The following ARID5B variants were observed in gnomAD, a reference collection of about 807,000 sequenced individuals.
ARID5B encodes AT-rich interaction domain 5B.
Under a neutral mutation model 97.2 loss-of-function variants are expected in ARID5B, and 13 were observed. The ratio of observed to expected loss-of-function variants is 0.13; its 90% confidence interval spans 0.09 to 0.21. The LOEUF (loss-of-function observed/expected upper bound fraction) is 0.21. Among genes scored for constraint, ARID5B ranks in the 10% least tolerant of loss-of-function variants. ARID5B has a pLI of 1.00. For synonymous variants in ARID5B, 556 were observed against 570.3 expected, an observed-to-expected ratio of 0.97 and a Z score of 0.36; for missense variants, 1,210 against 1,465.3, an observed-to-expected ratio of 0.83 and a Z score of 2.84.
At chr10:62,065,238 T>C (rs1236273460) in intron 7 of ARID5B, among the ~76,000 whole-genome samples, 1 of 152,198 alleles carries the variant, frequency 6.6e-6, no homozygotes, top group African/African-American at 2.4e-5. Context: ...GCACCTAGAT[T>C]GGTTTGTTTT....
chr10:62,009,515 G>A (rs971306941), intron 4 of ARID5B, among the ~76,000 whole-genome samples: 5 of 152,106 alleles, frequency 3.3e-5, no homozygotes, highest in South Asian at 2.1e-4. Flanking sequence ...ACCCATGAGC[G>A]ACCTCAGAGA....
At chr10:62,020,105 A>G (rs543166671) in intron 4 of ARID5B, among the ~76,000 whole-genome samples, 1 of 152,266 alleles carries the variant, frequency 6.6e-6, no homozygotes, top group South Asian at 2.1e-4. Context: ...ACAAAAAAGG[A>G]TGGGAACATG....
Position 62,092,813 on chromosome 10 carries a change from A to C in ARID5B, c.3350A>C (p.Gln1117Pro), listed in dbSNP as rs1840404192. Reference protein sequence around the residue: ...KNQTVLSPLMQPLAFHSLVMQ... With the variant: ...KNQTVLSPLMPPLAFHSLVMQ... ...CAGACTGTGCTTTCTCCACTCATGCAGCCCCTGGCTTTCCACTCGCTTGTG... is the reference window on the plus strand; with the variant it reads ...CAGACTGTGCTTTCTCCACTCATGCCGCCCCTGGCTTTCCACTCGCTTGTG... The change falls in exon 10 of 10, where the codon CAG becomes CCG. Residue 1117 changes from glutamine to proline, a missense_variant. Transcript: ENST00000279873. 6.2e-7 allele frequency: 1 copy of C among 1,614,224 alleles called. No homozygotes were observed. Among genetic ancestry groups the C allele is most frequent in the Non-Finnish European group, 8.5e-7 (1 of 1,180,040 alleles).
chr10:62,016,561 C>T (rs972276667), intron 4 of ARID5B, among the ~76,000 whole-genome samples: 2 of 152,022 alleles, frequency 1.3e-5, no homozygotes, highest in African/African-American at 4.8e-5. Flanking sequence ...AAAATAAAAC[C>T]CTGTAAATAC....
At chr10:61,958,644 T>C (rs1199692197) in intron 3 of ARID5B, among the ~76,000 whole-genome samples, 1 of 152,230 alleles carries the variant, frequency 6.6e-6, no homozygotes. Context: ...ATAAAGAATC[T>C]TGTGGTCAGC....
chr10:62,092,622 C>T lies in ARID5B; in HGVS notation c.3159C>T (p.Gly1053=). Residue 1053 remains glycine, a synonymous_variant, in exon 10 of 10, where the codon GGC becomes GGT. Transcript: ENST00000279873. The part of the protein sequence containing the change: ...KEKASEQESE[G]SKAAHGGHSG... ...AGGCCTCTGAGCAGGAGAGTGAAGG[C>T]AGCAAAGCAGCGCACGGTGGGCATT... The T allele has an allele frequency of 1.9e-6, 3 of 1,614,186 alleles. No homozygotes were observed. Among genetic ancestry groups the T allele is most frequent in the South Asian group, 1.1e-5 (1 of 91,084 alleles).
At chr10:62,012,622 T>C (rs1017105306) in intron 4 of ARID5B, among the ~76,000 whole-genome samples, 2 of 152,186 alleles carry the variant, frequency 1.3e-5, no homozygotes, top group Admixed American at 6.6e-5. Flanking sequence ...CTGTCTGGCT[T>C]CAAAGCTGGT....
intron 3 of ARID5B, among the ~76,000 whole-genome samples, chr10:61,967,810 T>C (rs1838566861): frequency 6.6e-6 from 1 of 152,184 alleles, no homozygotes; most frequent in Non-Finnish European, 1.5e-5. Flanking sequence ...GGCATTTTAT[T>C]TCAACAGAAT....
At position 62,009,525 on chromosome 10, in the gene ARID5B, AGGTTAAACAGCTTCTGAAG is replaced by A. The variant is rs533554941; in HGVS notation, c.733+9208_733+9226del. On this transcript the variant is annotated intron_variant, in intron 4 of 9. Transcript: ENST00000279873. ...ATTTTACCCATGAGCGACCTCAGAG[AGGTTAAACAGCTTCTGAAG>A]GGTCACAGACCTGGCATGTTGCTGA... is the stretch of plus-strand genomic sequence containing the variant. Among the ~76,000 whole-genome samples, 475 of 152,234 alleles carry A rather than the reference AGGTTAAACAGCTTCTGAAG, an allele frequency of 3.1e-3. 3 individuals are homozygous for A. The highest frequency in any genetic ancestry group is 6.8e-3 in the Middle Eastern group (2 of 294).
rs1037308279 is a variant in ARID5B at position 62,032,735 on chromosome 10, A to G, written c.734-18153A>G. Among the ~76,000 whole-genome samples, 4 of 152,206 alleles carry G rather than the reference A, an allele frequency of 2.6e-5. No individual in the cohort carries two copies. In the East Asian group the frequency reaches 7.7e-4, roughly 29 times the overall value. On this transcript the variant is annotated intron_variant, in intron 4 of 9. Coordinates refer to ENST00000279873, the MANE Select transcript of ARID5B (RefSeq NM_032199.3). ...ATCTCGGAAAATAAATAAATAATAA[A>G]TAAATATTGGATCGGTGAATATTGG...
At chr10:62,015,971 T>C (rs534927277) in intron 4 of ARID5B, among the ~76,000 whole-genome samples, 74 of 152,320 alleles carry the variant, frequency 4.9e-4, no homozygotes, top group African/African-American at 1.6e-3. Flanking sequence ...TTATCTGGCA[T>C]ATGTGGAGCA....
In ARID5B at chr10:62,094,817, C is replaced by A. The variant is rs1442024130; in HGVS notation, c.*1787C>A. ...CAGTAGACTTTAGAACCATAGTTAA[C>A]TAAGTCTTTTACCTCTGAGATACTT... On this transcript the variant is annotated 3_prime_UTR_variant, in exon 10 of 10. Coordinates refer to ENST00000279873, the MANE Select transcript of ARID5B (RefSeq NM_032199.3). The A allele has an allele frequency of 4.3e-6, 1 of 231,420 alleles. No individual in the cohort carries two copies. The highest frequency in any genetic ancestry group is 2.2e-5 in the African/African-American group (1 of 45,250). The allele number at this position is 231,420 out of a possible 1,614,324, so 14.3% of individuals were successfully genotyped here.
intron 4 of ARID5B, among the ~76,000 whole-genome samples, chr10:62,049,991 T>A (rs1839764379): frequency 6.6e-6 from 1 of 152,202 alleles, no homozygotes; most frequent in African/African-American, 2.4e-5. Context: ...TTTGCTTGAC[T>A]TGGGTGACTG....
At chr10:62,061,450 G>A (rs145921075) in intron 7 of ARID5B, among the ~76,000 whole-genome samples, 3,195 of 152,318 alleles carry the variant, frequency 0.021, 45 homozygotes, top group Non-Finnish European at 0.032. Context: ...GGGACAAGTG[G>A]CCCTGAAGGG....
chr10:61,959,170 T>C (rs1338335591), intron 3 of ARID5B, among the ~76,000 whole-genome samples: 2 of 152,214 alleles, frequency 1.3e-5, no homozygotes, highest in Non-Finnish European at 2.9e-5. Flanking sequence ...TCCATGAAAA[T>C]GTCAACTTTT....
chr10:61,951,062 A>G (rs1416934755), intron 3 of ARID5B, among the ~76,000 whole-genome samples: 1 of 152,200 alleles, frequency 6.6e-6, no homozygotes, highest in African/African-American at 2.4e-5. Flanking sequence ...TTCTGTTGCA[A>G]CACATTAACT....
chr10:62,073,988 A>G (rs1365871521), intron 8 of ARID5B, among the ~76,000 whole-genome samples: 2 of 152,218 alleles, frequency 1.3e-5, no homozygotes, highest in Non-Finnish European at 2.9e-5. Flanking sequence ...GAATTCTCTT[A>G]GCTTGATTTT....
chr10:62,036,202 CCA>C (rs1473562911), intron 4 of ARID5B, among the ~76,000 whole-genome samples: 1 of 152,070 alleles, frequency 6.6e-6, no homozygotes, highest in Non-Finnish European at 1.5e-5. Flanking sequence ...CAGAGGAAGC[CCA>C]GGAACAAAGG....
chr10:61,976,869 T>C (rs893661976), intron 3 of ARID5B, among the ~76,000 whole-genome samples: 1 of 152,074 alleles, frequency 6.6e-6, no homozygotes, highest in Non-Finnish European at 1.5e-5. Context: ...TTTTTTTTTT[T>C]TTTATTATAC....
Sources: gnomAD v4.1 joint callset for allele counts (sites outside exome capture counted in the v4.1 genomes callset) on GRCh38, gnomAD v4.1.1 for gene constraint, MANE v1.5 for transcripts, NCBI Gene and HGNC (gene_info 2026-07-23, HGNC 2026-07-21) for gene names.